Variants in CDC42SE2 observed in about 807,000 individuals in gnomAD.
CDC42SE2 encodes CDC42 small effector 2.
CDC42SE2 carries 3 observed loss-of-function variants against 11.5 expected under a neutral mutation model. The observed-to-expected ratio is 0.26, with a 90% CI of 0.12 to 0.67. The LOEUF (loss-of-function observed/expected upper bound fraction) is 0.67, where lower values mean the gene tolerates loss of function less well. Among genes scored for constraint, CDC42SE2 ranks in the 30% least tolerant of loss-of-function variants. CDC42SE2 has a pLI of 0.80. For missense variants in CDC42SE2, 82 were observed against 106.8 expected, an observed-to-expected ratio of 0.77 and a Z score of 1.02; for synonymous variants, 33 against 34.8, an observed-to-expected ratio of 0.95 and a Z score of 0.18.
chr5:131,357,469 G>A (rs532741138), intron 2 of CDC42SE2, among the ~76,000 whole-genome samples: 19 of 152,218 alleles, frequency 1.2e-4, no homozygotes, highest in Admixed American at 9.8e-4. Context: ...GTTTAGAGTC[G>A]TGGCTTTGGA....
chr5:131,321,726 C>T (rs993993533), intron 2 of CDC42SE2, among the ~76,000 whole-genome samples: 8 of 151,152 alleles, frequency 5.3e-5, no homozygotes, highest in African/African-American at 1.7e-4. Context: ...TTCCCCCCCG[C>T]CAAAATCATC....
At chr5:131,332,215 G>T (rs10043648) in intron 2 of CDC42SE2, among the ~76,000 whole-genome samples, 74 of 152,256 alleles carry the variant, frequency 4.9e-4, no homozygotes, top group African/African-American at 1.8e-3. Context: ...AGAACATGCG[G>T]TGTTTGGTTT....
rs1271024482 is a variant in CDC42SE2 at position 131,308,506 on chromosome 5, A to G, written c.-454-7470A>G. 9.2e-5 allele frequency among the ~76,000 whole-genome samples: 14 copies of G among 151,726 alleles called. No individual in the cohort carries two copies. The East Asian group carries it at 1.9e-3, about 21-fold the overall frequency. On this transcript the variant is annotated intron_variant, in intron 1 of 4. Transcript: ENST00000505065. ...GAAAGGCATTGGTAGCTTGATGGGG[A>G]TGGCATTGAATCTGTAAATTACCTT...
intron 2 of CDC42SE2, among the ~76,000 whole-genome samples, chr5:131,350,477 TAAAG>T (rs900719012): frequency 3.9e-4 from 60 of 152,070 alleles, no homozygotes; most frequent in Admixed American, 7.9e-4. Flanking sequence ...AATCCTGAGA[TAAAG>T]AAATGTTTCT....
chr5:131,333,934 T>C (rs1758489355), intron 2 of CDC42SE2, among the ~76,000 whole-genome samples: 2 of 152,216 alleles, frequency 1.3e-5, no homozygotes, highest in African/African-American at 4.8e-5. Context: ...CTTCCTCTTT[T>C]CCTGATTGAA....
chr5:131,319,579 C>G (rs1758117586), intron 2 of CDC42SE2, among the ~76,000 whole-genome samples: 1 of 152,118 alleles, frequency 6.6e-6, no homozygotes, highest in African/African-American at 2.4e-5. Context: ...AGCAGAATCA[C>G]CCAGGACCCA....
intron 1 of CDC42SE2, among the ~76,000 whole-genome samples, chr5:131,309,224 C>T (rs1388215563): frequency 7.9e-5 from 12 of 151,848 alleles, no homozygotes; most frequent in African/African-American, 2.4e-4. Context: ...TTGTCTTTGG[C>T]TCTCTTTATA....
chr5:131,267,172 A>C (rs1313066946), intron 1 of CDC42SE2, among the ~76,000 whole-genome samples: 4 of 150,406 alleles, frequency 2.7e-5, no homozygotes, highest in African/African-American at 9.8e-5. Context: ...CTCCTGCCTC[A>C]GCCTCCCAAG....
At chr5:131,286,163 T>C (rs1757335601) in intron 1 of CDC42SE2, among the ~76,000 whole-genome samples, 1 of 150,074 alleles carries the variant, frequency 6.7e-6, no homozygotes, top group Non-Finnish European at 1.5e-5. Context: ...CAAGCAATCC[T>C]CCTGGGCCCA....
At chr5:131,262,157 G>A (rs1756743345), upstream of CDC42SE2, among the ~76,000 whole-genome samples, 1 of 141,482 alleles carries the variant, frequency 7.1e-6, no homozygotes, top group Admixed American at 6.7e-5. Context: ...TCAAGTTCGG[G>A]AATTTTCTGG....
intron 2 of CDC42SE2, among the ~76,000 whole-genome samples, chr5:131,339,820 AAAAG>A (rs1160921236): frequency 5.3e-5 from 8 of 150,398 alleles, no homozygotes; most frequent in African/African-American, 1.3e-4. Flanking sequence ...AAAAAAAAAA[AAAAG>A]AGAGAGAAAA....
intron 2 of CDC42SE2, among the ~76,000 whole-genome samples, chr5:131,328,920 C>T (rs975078562): frequency 1.3e-5 from 2 of 152,196 alleles, no homozygotes; most frequent in Admixed American, 6.5e-5. Flanking sequence ...TGTTTTTACA[C>T]TCATATAAAT....
chr5:131,381,875 A>C (rs1017549578), intron 3 of CDC42SE2, among the ~76,000 whole-genome samples: 1 of 152,142 alleles, frequency 6.6e-6, no homozygotes, highest in Non-Finnish European at 1.5e-5. Context: ...GTCCTTTACA[A>C]ACTCTATGTG....
In CDC42SE2 at chr5:131,357,768, A is replaced by G. The variant is rs139172180; in HGVS notation, c.-285-1441A>G. On this transcript the variant is annotated intron_variant, in intron 2 of 4. Coordinates refer to ENST00000505065, the MANE Select transcript of CDC42SE2 (RefSeq NM_001375635.1). ...AAACTTTATATCCATTTTTCTTGCA[A>G]ACATTGTCTACACTTGTTGACTCTG... 7.4e-3 allele frequency among the ~76,000 whole-genome samples: 1,124 copies of G among 152,196 alleles called. 15 individuals carry two copies. Among genetic ancestry groups the G allele is most frequent in the African/African-American group, 0.026 (1,078 of 41,524 alleles).
At chr5:131,361,430 T>G (rs1465180911) in intron 3 of CDC42SE2, among the ~76,000 whole-genome samples, 1 of 152,156 alleles carries the variant, frequency 6.6e-6, no homozygotes. Flanking sequence ...GCTCGCTTCT[T>G]CAGTGCCCTG....
chr5:131,221,919 A>G, the CDC42SE2 span, among the ~76,000 whole-genome samples: 2 of 152,234 alleles, frequency 1.3e-5, no homozygotes, highest in Non-Finnish European at 2.9e-5. Flanking sequence ...GGTATTGAGA[A>G]GAATATAGCA....
chr5:131,257,504 G>A (rs1580716368), intron 2 of CDC42SE2, among the ~76,000 whole-genome samples: 1 of 148,704 alleles, frequency 6.7e-6, no homozygotes, highest in East Asian at 2.0e-4. Flanking sequence ...TTGAGACAGA[G>A]TCTTGCTCTG....
intron 1 of CDC42SE2, among the ~76,000 whole-genome samples, chr5:131,248,411 A>G (rs554586890): frequency 7.5e-4 from 114 of 152,322 alleles, no homozygotes; most frequent in South Asian, 6.4e-3. Flanking sequence ...TGCTGGGATC[A>G]TAGGCATGAG....
At chr5:131,297,134 C>G (rs1490488704) in intron 1 of CDC42SE2, among the ~76,000 whole-genome samples, 1 of 148,498 alleles carries the variant, frequency 6.7e-6, no homozygotes, top group Non-Finnish European at 1.5e-5. Flanking sequence ...AAAAGGATGA[C>G]TTCAGATTAA....
Sources: gnomAD v4.1 joint callset for allele counts (sites outside exome capture counted in the v4.1 genomes callset) on GRCh38, gnomAD v4.1.1 for gene constraint, MANE v1.5 for transcripts, NCBI Gene and HGNC (gene_info 2026-07-23, HGNC 2026-07-21) for gene names.